CSRNP3: variants seen among roughly 807,000 people sequenced by gnomAD.
CSRNP3 encodes the protein cysteine/serine-rich nuclear protein 3.
In CSRNP3, 12 loss-of-function variants were observed where a neutral mutation model predicts 48.0. The observed-to-expected ratio is 0.25, with a 90% CI of 0.16 to 0.41. The LOEUF is 0.41. Ranked by LOEUF, CSRNP3 falls within the 10% of genes least tolerant of loss-of-function variation. The probability of loss-of-function intolerance (pLI) is 1.00; values close to 1 mark genes in which losing one functional copy is unlikely to be tolerated. For synonymous variants in CSRNP3, 263 were observed against 269.7 expected (o/e 0.98, Z 0.24); for missense variants, 580 against 724.4 (o/e 0.80, Z 2.29).
At position 165,545,972 on chromosome 2, in the gene CSRNP3, C is replaced by T. The variant is rs115169176; in HGVS notation, c.-24+28011C>T. On this transcript the variant is annotated intron_variant, in intron 3 of 6. Transcript: ENST00000651982. The stretch of plus-strand genomic sequence containing the variant: ...AAATAAAAAATTGATACTAGATTGC[C>T]TATTATTTGTTATTATTTGTCTGCA... Among the ~76,000 whole-genome samples the T allele has an allele frequency of 5.1e-3, 777 of 151,954 alleles. 8 individuals are homozygous for T. Among genetic ancestry groups the T allele is most frequent in the African/African-American group, 0.018 (727 of 41,404 alleles).
intron 3 of CSRNP3, among the ~76,000 whole-genome samples, chr2:165,560,964 A>G (rs1236975893): frequency 1.3e-5 from 2 of 152,150 alleles, no homozygotes; most frequent in African/African-American, 4.8e-5. Flanking sequence ...TTACTTTTAT[A>G]TTTAGTGATA....
At chr2:165,503,319 A>G (rs1684382053) in intron 2 of CSRNP3, among the ~76,000 whole-genome samples, 1 of 152,016 alleles carries the variant, frequency 6.6e-6, no homozygotes, top group Non-Finnish European at 1.5e-5. Flanking sequence ...ATATTGAATA[A>G]TATATTATTT....
intron 3 of CSRNP3, among the ~76,000 whole-genome samples, chr2:165,520,473 G>A (rs1684636278): frequency 6.6e-6 from 1 of 150,710 alleles, no homozygotes; most frequent in Non-Finnish European, 1.5e-5. Context: ...TGTTTTCATT[G>A]AGGATAAGTC....
At chr2:165,534,627 CTA>C (rs1353699415) in intron 3 of CSRNP3, among the ~76,000 whole-genome samples, 1 of 151,580 alleles carries the variant, frequency 6.6e-6, no homozygotes, top group Non-Finnish European at 1.5e-5. Flanking sequence ...ATTTAATAAA[CTA>C]TCATAAATTC....
chr2:165,517,262 A>T (rs1222742476), intron 2 of CSRNP3, among the ~76,000 whole-genome samples: 1 of 152,032 alleles, frequency 6.6e-6, no homozygotes, highest in Non-Finnish European at 1.5e-5. Flanking sequence ...ACTTCTAATT[A>T]CGGCACTGTA....
At chr2:165,548,833 A>T (rs1397862142) in intron 3 of CSRNP3, among the ~76,000 whole-genome samples, 1 of 152,040 alleles carries the variant, frequency 6.6e-6, no homozygotes, top group East Asian at 1.9e-4. Context: ...TAAATAGCAG[A>T]TTTAGCCAGA....
At chr2:165,598,807 G>T (rs1685852219) in intron 4 of CSRNP3, among the ~76,000 whole-genome samples, 1 of 152,060 alleles carries the variant, frequency 6.6e-6, no homozygotes, top group African/African-American at 2.4e-5. Flanking sequence ...AATAATTCAA[G>T]AAAAGATTTA....
At chr2:165,543,573 T>G (rs1323409902) in intron 3 of CSRNP3, among the ~76,000 whole-genome samples, 1 of 152,150 alleles carries the variant, frequency 6.6e-6, no homozygotes, top group Non-Finnish European at 1.5e-5. Context: ...CAAACTAAAT[T>G]CTTTTCTTTT....
At chr2:165,627,501 A>G (rs1686457119) in intron 4 of CSRNP3, among the ~76,000 whole-genome samples, 2 of 152,132 alleles carry the variant, frequency 1.3e-5, no homozygotes, top group Admixed American at 1.3e-4. Context: ...GAAATAATTC[A>G]TGTCAGTCTG....
At position 165,662,474 on chromosome 2, in the gene CSRNP3, C is replaced by A. The variant is rs954389826; in HGVS notation, c.408+4454C>A. ...TAAATTACAGAGCACAGTTCTTCTTCTCTGTCAAGCCCATTCAAACATGTC... is the reference window on the plus strand; with the variant it reads ...TAAATTACAGAGCACAGTTCTTCTTATCTGTCAAGCCCATTCAAACATGTC... On this transcript the variant is annotated intron_variant, in intron 5 of 6. Coordinates refer to ENST00000651982, the MANE Select transcript of CSRNP3 (RefSeq NM_001172173.2). 7.2e-5 allele frequency among the ~76,000 whole-genome samples: 11 copies of A among 152,194 alleles called. 1 individual carries two copies. The highest frequency in any genetic ancestry group is 2.7e-4 in the African/African-American group (11 of 41,458).
chr2:165,681,760 TACACACACACAC>T lies in CSRNP3; in HGVS notation c.*2013_*2024del, dbSNP rs371184548. ...ATATATATATATATATATATATATA[TACACACACACAC>T]ACACATACACATATATATACACATA... On this transcript the variant is annotated 3_prime_UTR_variant, in exon 7 of 7. Transcript: ENST00000651982. 1 of 44,726 alleles carries T rather than the reference TACACACACACAC, an allele frequency of 2.2e-5. No individual in the cohort carries two copies. Among genetic ancestry groups the T allele is most frequent in the Non-Finnish European group, 6.0e-5 (1 of 16,570 alleles). 2.8% of individuals were successfully genotyped at this position (44,726 alleles called of 1,614,324 possible).
chr2:165,604,486 A>G (rs1223591889), intron 4 of CSRNP3, among the ~76,000 whole-genome samples: 2 of 152,254 alleles, frequency 1.3e-5, no homozygotes, highest in African/African-American at 4.8e-5. Flanking sequence ...ACTGTAATTT[A>G]TAATTTTGAT....
intron 4 of CSRNP3, among the ~76,000 whole-genome samples, chr2:165,648,905 G>A (rs1047604953): frequency 1.3e-5 from 2 of 152,162 alleles, no homozygotes; most frequent in African/African-American, 4.8e-5. Context: ...CAGTAGATGA[G>A]TATTCGATCA....
chr2:165,675,605 C>G (rs966279163), intron 5 of CSRNP3, among the ~76,000 whole-genome samples: 14 of 152,022 alleles, frequency 9.2e-5, no homozygotes, highest in Non-Finnish European at 1.9e-4. Context: ...CAGAAGGTAC[C>G]ATTTTGGGTG....
At chr2:165,552,439 A>T (rs1177482999) in intron 3 of CSRNP3, among the ~76,000 whole-genome samples, 2 of 152,184 alleles carry the variant, frequency 1.3e-5, no homozygotes, top group Non-Finnish European at 2.9e-5. Flanking sequence ...TTGAAAAAGA[A>T]GTTAGGCGAT....
At chr2:165,500,873 C>T (rs1684349971) in intron 2 of CSRNP3, among the ~76,000 whole-genome samples, 1 of 151,916 alleles carries the variant, frequency 6.6e-6, no homozygotes, top group African/African-American at 2.4e-5. Flanking sequence ...CTTTGAGAAC[C>T]TTGGTTTGGA....
intron 1 of CSRNP3, among the ~76,000 whole-genome samples, chr2:165,474,183 A>C (rs2105443865): frequency 6.6e-6 from 1 of 152,180 alleles, no homozygotes; most frequent in South Asian, 2.1e-4. Context: ...TATCAAATGT[A>C]GTTTTTAAAT....
chr2:165,607,080 AAAT>A (rs1434276432), intron 4 of CSRNP3, among the ~76,000 whole-genome samples: 1 of 152,178 alleles, frequency 6.6e-6, no homozygotes, highest in East Asian at 1.9e-4. Flanking sequence ...TATAGTTTTT[AAAT>A]ATGTTTTATA....
chr2:165,558,183 T>G (rs1474395772), intron 3 of CSRNP3, among the ~76,000 whole-genome samples: 1 of 152,086 alleles, frequency 6.6e-6, no homozygotes, highest in Non-Finnish European at 1.5e-5. Context: ...TGGCAACACT[T>G]GGTTATTTTA....
Sources: gnomAD v4.1 joint callset for allele counts (sites outside exome capture counted in the v4.1 genomes callset) on GRCh38, gnomAD v4.1.1 for gene constraint, MANE v1.5 for transcripts, NCBI Gene and HGNC (gene_info 2026-07-23, HGNC 2026-07-21) for gene names.